Variants in ZNF705A observed in about 807,000 individuals in gnomAD.
ZNF705A encodes the protein zinc finger protein 705A.
A neutral mutation model predicts 16.6 loss-of-function variants in ZNF705A; 8 were observed. The ratio of observed to expected loss-of-function variants is 0.48; its 90% confidence interval spans 0.28 to 0.87. The LOEUF (loss-of-function observed/expected upper bound fraction) is 0.87. Among genes scored for constraint, ZNF705A ranks in the 40% least tolerant of loss-of-function variants. ZNF705A has a pLI of 0.10. For missense variants in ZNF705A, 233 were observed against 359.9 expected (o/e 0.65, Z 2.85); for synonymous variants, 73 against 117.3 (o/e 0.62, Z 2.44).
chr12:8,164,197 C>T (rs1251179520), intron 1 of ZNF705A, among the ~76,000 whole-genome samples: 2 of 152,166 alleles, frequency 1.3e-5, no homozygotes, highest in Admixed American at 6.5e-5. Flanking sequence ...AACTTACTTA[C>T]GTGGTATATC....
chr12:8,172,572 A>G, exon 1 of ZNF705A: 1 of 1,595,314 alleles, frequency 6.3e-7, no homozygotes, highest in Admixed American at 1.7e-5. Context: ...TAGTGCCTAA[A>G]GTGTCTGCAC....
intron 3 of ZNF705A, 123 bp downstream of exon 4, chr12:8,175,446 T>G (rs1948478106): frequency 6.3e-6 from 8 of 1,271,344 alleles, no homozygotes; most frequent in Non-Finnish European, 8.8e-6. Context: ...GTTAGGCTAC[T>G]GGAGCAGAAT....
rs1442622517 is a variant in ZNF705A at position 8,165,431 on chromosome 12, T to C, written c.-71-7124T>C. 5.5e-5 allele frequency among the ~76,000 whole-genome samples: 8 copies of C among 145,978 alleles called. No homozygotes were observed. In the East Asian group the frequency reaches 6.2e-4, roughly 11 times the overall value. ...CCAAGTAGCTGGGACTACAGGCACC[T>C]GCCACCACGCCCAGCTAAATTTTTT... On this transcript the variant is annotated intron_variant, in intron 1 of 5. Coordinates refer to the ZNF705A transcript ENST00000396570.
intron 1 of ZNF705A, among the ~76,000 whole-genome samples, chr12:8,165,877 G>C (rs1479387525): frequency 1.3e-5 from 2 of 152,132 alleles, no homozygotes; most frequent in Non-Finnish European, 2.9e-5. Context: ...AGTATTCCAT[G>C]GTGTACATAT....
At chr12:8,170,846 G>A (rs1320094803), upstream of ZNF705A, among the ~76,000 whole-genome samples, 1 of 152,138 alleles carries the variant, frequency 6.6e-6, no homozygotes, top group Non-Finnish European at 1.5e-5. Flanking sequence ...GAAAAAAGTT[G>A]ATATTGAAAA....
intron 1 of ZNF705A, among the ~76,000 whole-genome samples, chr12:8,165,277 C>CCTT (rs1565413981): frequency 8.0e-6 from 1 of 124,684 alleles, no homozygotes; most frequent in African/African-American, 3.3e-5. Flanking sequence ...GATCTTTGCC[C>CCTT]ATTTTTTTTT....
At chr12:8,167,203 T>G (rs892501981) in intron 1 of ZNF705A, among the ~76,000 whole-genome samples, 40 of 152,394 alleles carry the variant, frequency 2.6e-4, no homozygotes, top group African/African-American at 9.6e-4. Flanking sequence ...GGTTTCTTGC[T>G]GTATCCCTTG....
chr12:8,168,651 C>G (rs955657168), upstream of ZNF705A, among the ~76,000 whole-genome samples: 1 of 152,152 alleles, frequency 6.6e-6, no homozygotes, highest in Admixed American at 6.5e-5. Context: ...TAGCCAAATT[C>G]GTGGCCAAAC....
chr12:8,164,884 G>C (rs746424805), intron 1 of ZNF705A, among the ~76,000 whole-genome samples: 310 of 152,216 alleles, frequency 2.0e-3, no homozygotes, highest in African/African-American at 7.1e-3. Context: ...TGGTATTTCT[G>C]GTTGTAGGTC....
At chr12:8,158,299 C>T (rs1213105646) in intron 1 of ZNF705A, among the ~76,000 whole-genome samples, 1 of 152,112 alleles carries the variant, frequency 6.6e-6, no homozygotes, top group Non-Finnish European at 1.5e-5. Flanking sequence ...GTCAATCCTG[C>T]TTCCACCCAA....
chr12:8,179,310 C>T (rs7305072), exon 5 of ZNF705A: 80,259 of 151,890 alleles, frequency 0.53, 21,376 homozygotes, highest in Non-Finnish European at 0.57. Context: ...GATAAAACAC[C>T]AGCATGATAA....
At chr12:8,176,850 A>G in intron 4 of ZNF705A, 149 bp from the exon 6 acceptor site, 1 of 1,310,560 alleles carries the variant, frequency 7.6e-7, no homozygotes. Flanking sequence ...TGGGGTCCCA[A>G]AATTTAATTT....
At chr12:8,174,278 A>T in intron 1 of ZNF705A, 48 bp from the exon 3 acceptor site, 1 of 1,595,840 alleles carries the variant, frequency 6.3e-7, no homozygotes, top group East Asian at 2.2e-5. Context: ...TCTTCCGGAC[A>T]TTGAAAGGGA....
chr12:8,179,016 C>G (rs1948510170), exon 5 of ZNF705A: 1 of 152,204 alleles, frequency 6.6e-6, no homozygotes, highest in Admixed American at 6.5e-5. Flanking sequence ...CTCAGTGTGT[C>G]ATTGCATAGA....
intron 2 of ZNF705A, among the ~76,000 whole-genome samples, chr12:8,174,810 C>A (rs1948472792): frequency 6.6e-6 from 1 of 152,034 alleles, no homozygotes; most frequent in Non-Finnish European, 1.5e-5. Context: ...AGGCTGAGAC[C>A]AATTAGTGAA....
chr12:8,163,315 T>A (rs1030182306), intron 1 of ZNF705A, among the ~76,000 whole-genome samples: 2 of 152,224 alleles, frequency 1.3e-5, no homozygotes, highest in African/African-American at 4.8e-5. Context: ...ATGATATTTT[T>A]ATTTTTTTTT....
chr12:8,164,959 A>G (rs916390689), intron 1 of ZNF705A, among the ~76,000 whole-genome samples: 4 of 152,176 alleles, frequency 2.6e-5, no homozygotes, highest in African/African-American at 4.8e-5. Context: ...CCAACAGTGT[A>G]AAAGTGTTCT....
At chr12:8,178,459 A>T (rs1348668981) in exon 5 of ZNF705A, 1 of 152,598 alleles carries the variant, frequency 6.6e-6, no homozygotes, top group East Asian at 1.9e-4. Context: ...TTCTTAGTTG[A>T]CATTAAGTTT....
intron 1 of ZNF705A, among the ~76,000 whole-genome samples, chr12:8,164,059 C>T (rs1382713896): frequency 1.3e-5 from 2 of 152,070 alleles, no homozygotes; most frequent in Admixed American, 6.6e-5. Context: ...TGAGTCCCCC[C>T]CTTTATTATT....
Sources: allele counts gnomAD v4.1 joint callset (sites outside exome capture counted in the v4.1 genomes callset), GRCh38; gene constraint gnomAD v4.1.1; transcripts MANE v1.5; gene names NCBI Gene and HGNC (gene_info 2026-07-23, HGNC 2026-07-21).